The following GOLM1 variants were observed in gnomAD, a reference collection of about 807,000 sequenced individuals.
GOLM1 encodes the protein epididymis luminal protein 46.
A neutral mutation model predicts 50.5 loss-of-function variants in GOLM1; 31 were observed. The ratio of observed to expected loss-of-function variants is 0.61; its 90% CI spans 0.46 to 0.83. The LOEUF (loss-of-function observed/expected upper bound fraction) is 0.83. Among genes scored for constraint, GOLM1 ranks in the 40% least tolerant of loss-of-function variants. The probability of loss-of-function intolerance (pLI) is 0.00; values close to 1 mark genes in which losing one functional copy is unlikely to be tolerated. For missense variants in GOLM1, 491 were observed against 501.3 expected, an observed-to-expected ratio of 0.98 and a Z score of 0.20; for synonymous variants, 178 against 192.8, an observed-to-expected ratio of 0.92 and a Z score of 0.64.
At chr9:86,061,769 GTGTC>G (rs1834164894) in intron 3 of GOLM1, among the ~76,000 whole-genome samples, 2 of 152,358 alleles carry the variant, frequency 1.3e-5, no homozygotes, top group South Asian at 4.1e-4. Flanking sequence ...GTGTGAATGA[GTGTC>G]TGTGAGTGTG....
rs183970751 is a variant in GOLM1, at chr9:86,092,128, G to T, written c.-22+7283C>A. Among the ~76,000 whole-genome samples, 1,109 of 152,330 alleles carry T rather than the reference G, an allele frequency of 7.3e-3. 12 individuals are homozygous for T. The highest frequency in any genetic ancestry group is 0.012 in the Non-Finnish European group (811 of 68,040). On this transcript the variant is annotated intron_variant, in intron 1 of 9. Transcript: ENST00000388712. ...CTACCACTCAGGGGACACAGGACCT[G>T]TCTGTGCATCACTGTCCTGCTCACA...
chr9:86,095,430 T>C (rs1343127173), intron 1 of GOLM1, among the ~76,000 whole-genome samples: 2 of 145,464 alleles, frequency 1.4e-5, no homozygotes, highest in East Asian at 4.2e-4. Context: ...TTTTTTAAAA[T>C]AGAGATGGGG....
intron 4 of GOLM1, among the ~76,000 whole-genome samples, chr9:86,049,659 TG>T (rs1343526252): frequency 6.6e-6 from 1 of 152,232 alleles, no homozygotes; most frequent in Non-Finnish European, 1.5e-5. Context: ...ACTCATGATT[TG>T]GCTGTTTGTC....
chr9:86,050,175 T>C (rs1214477040), intron 4 of GOLM1, among the ~76,000 whole-genome samples: 2 of 152,220 alleles, frequency 1.3e-5, no homozygotes, highest in Non-Finnish European at 2.9e-5. Context: ...TGTTTACTGA[T>C]TTGCGTATGT....
At chr9:86,041,028 A>G (rs1008511081) in intron 5 of GOLM1, among the ~76,000 whole-genome samples, 160 bp from the exon 6 acceptor site, 1 of 152,232 alleles carries the variant, frequency 6.6e-6, no homozygotes, top group Non-Finnish European at 1.5e-5. Context: ...TGTGTTCAAC[A>G]ATTAAATGAC....
chr9:86,042,042 G>A (rs7873606), intron 5 of GOLM1, among the ~76,000 whole-genome samples: 5,821 of 152,166 alleles, frequency 0.038, 482 homozygotes, highest in East Asian at 0.36. Context: ...GCGTGAACCC[G>A]GGAGGCGGAG....
intron 3 of GOLM1, among the ~76,000 whole-genome samples, chr9:86,053,466 A>ATGCCG (rs1833847912): frequency 2.1e-5 from 2 of 94,200 alleles, no homozygotes; most frequent in African/African-American, 4.6e-5. Context: ...ACATCACACC[A>ATGCCG]CACCACTCCA....
intron 1 of GOLM1, among the ~76,000 whole-genome samples, chr9:86,088,451 T>TATAC (rs1426019975): frequency 7.5e-6 from 1 of 134,146 alleles, no homozygotes; most frequent in East Asian, 2.9e-4. Context: ...TATATATATA[T>TATAC]ATATATTTAG....
intron 3 of GOLM1, among the ~76,000 whole-genome samples, chr9:86,053,349 TC>T: frequency 4.1e-5 from 2 of 48,530 alleles, no homozygotes; most frequent in Non-Finnish European, 3.7e-5. Context: ...ACGCCACAAC[TC>T]CACACCACGT....
intron 1 of GOLM1, among the ~76,000 whole-genome samples, chr9:86,096,296 C>T (rs1427407562): frequency 6.6e-6 from 1 of 151,806 alleles, no homozygotes; most frequent in African/African-American, 2.4e-5. Flanking sequence ...CATGCCCATT[C>T]ATTTACATAT....
At chr9:86,090,141 T>C (rs1221889104) in intron 1 of GOLM1, among the ~76,000 whole-genome samples, 1 of 152,052 alleles carries the variant, frequency 6.6e-6, no homozygotes, top group African/African-American at 2.4e-5. Flanking sequence ...GGGCACCCAC[T>C]AGATGCCAGC....
chr9:86,082,272 C>A (rs181064229), intron 1 of GOLM1, among the ~76,000 whole-genome samples: 1 of 151,796 alleles, frequency 6.6e-6, no homozygotes, highest in African/African-American at 2.4e-5. Flanking sequence ...GTGATCCGCC[C>A]GCCTCGGCCT....
At chr9:86,089,468 T>G (rs1484701646) in intron 1 of GOLM1, among the ~76,000 whole-genome samples, 1 of 152,146 alleles carries the variant, frequency 6.6e-6, no homozygotes, top group African/African-American at 2.4e-5. Context: ...TCATTCTTTT[T>G]TTCTCTAATC....
At chr9:86,099,814 C>T (rs2118929609), upstream of GOLM1, among the ~76,000 whole-genome samples, 1 of 152,234 alleles carries the variant, frequency 6.6e-6, no homozygotes, top group South Asian at 2.1e-4. Flanking sequence ...GAGCTGGCGC[C>T]TGAGCAGCGA....
intron 9 of GOLM1, among the ~76,000 whole-genome samples, chr9:86,031,572 C>T (rs989348741): frequency 1.3e-5 from 2 of 150,378 alleles, no homozygotes; most frequent in African/African-American, 4.9e-5. Flanking sequence ...CGCGATTCTC[C>T]TGTCTCAGCC....
intron 3 of GOLM1, among the ~76,000 whole-genome samples, chr9:86,073,201 T>G (rs530181801): frequency 1.3e-5 from 2 of 152,078 alleles, no homozygotes; most frequent in African/African-American, 4.8e-5. Flanking sequence ...GCTAGCTGCA[T>G]CACAGTGGTC....
chr9:86,041,648 C>T lies in GOLM1; in HGVS notation c.468-780G>A, dbSNP rs191649960. On this transcript the variant is annotated intron_variant, in intron 5 of 9. Coordinates refer to ENST00000388712, the MANE Select transcript of GOLM1 (RefSeq NM_016548.4). ...CTTTCCTGAATCATGTGACAGTCAT[C>T]CTGGCAAATTATCAAACTGAGGGGG... Among the ~76,000 whole-genome samples the T allele has an allele frequency of 6.9e-3, 1,052 of 152,296 alleles. 28 individuals are homozygous for T. The South Asian group carries it at 0.078, about 11-fold the overall frequency.
chr9:86,035,010 A>C, intron 8 of GOLM1: 1 of 985,216 alleles, frequency 1.0e-6, no homozygotes. Context: ...GATTGTCTAA[A>C]TGGCACCAGA....
At chr9:86,097,067 C>CTTT (rs35392923) in intron 1 of GOLM1, among the ~76,000 whole-genome samples, 3 of 143,174 alleles carry the variant, frequency 2.1e-5, no homozygotes, top group Non-Finnish European at 3.0e-5. Flanking sequence ...AAGGCATGGA[C>CTTT]TTTTTTTTTT....
Sources: gnomAD v4.1 joint callset for allele counts (sites outside exome capture counted in the v4.1 genomes callset) on GRCh38, gnomAD v4.1.1 for gene constraint, MANE v1.5 for transcripts, NCBI Gene and HGNC (gene_info 2026-07-23, HGNC 2026-07-21) for gene names.